FANCI: variants seen among roughly 807,000 people sequenced by gnomAD.
The protein encoded by FANCI is FA complementation group I.
A neutral mutation model predicts 176.1 loss-of-function variants in FANCI; 156 were observed. That is an observed-to-expected ratio of 0.89 (90% CI 0.78 to 1.01). The LOEUF is 1.01. FANCI is among the 50% of genes least tolerant of loss of function. The pLI is 0.00. For synonymous variants in FANCI, 613 were observed against 541.7 expected, an observed-to-expected ratio of 1.13 and a Z score of -1.83; for missense variants, 1,678 against 1,534.1, an observed-to-expected ratio of 1.09 and a Z score of -1.57.
rs3087375 is a variant in FANCI at position 89,316,841 on chromosome 15, C to G, written c.*382C>G. The stretch of plus-strand genomic sequence containing the variant: ...CCAGCGCTTCACCTGAAAGATAGTG[C>G]AAATTGGTTAGGATGCCACCTCAAG... On this transcript the variant is annotated 3_prime_UTR_variant, in exon 38 of 38. Transcript: ENST00000310775. 7.8e-4 allele frequency: 1,257 copies of G among 1,602,266 alleles called. 4 individuals are homozygous for G. In the African/African-American group the frequency reaches 0.015, roughly 19 times the overall value.
intron 2 of FANCI, 84 bp downstream of exon 2, chr15:89,247,815 C>T (rs1021906269): frequency 6.3e-5 from 70 of 1,104,448 alleles, no homozygotes; most frequent in African/African-American, 1.5e-4. Context: ...AGAAAAATTA[C>T]GCTGCTTCTT....
rs1179831028 is a variant in FANCI at position 89,315,937 on chromosome 15, A to G, written c.3925-460A>G. On this transcript the variant is annotated intron_variant, in intron 37 of 37. Coordinates refer to ENST00000310775, the MANE Select transcript of FANCI (RefSeq NM_001113378.2). The stretch of plus-strand genomic sequence containing the variant: ...AAAATTTTCATCTTAGGTTTGTCTA[A>G]TAAGTAGCAAATCAGTAGCCCACTC... Among the ~76,000 whole-genome samples the G allele has an allele frequency of 3.3e-5, 5 of 152,194 alleles. 1 individual carries two copies. In the South Asian group the frequency reaches 6.2e-4, roughly 19 times the overall value.
chr15:89,305,410 G>C lies in FANCI; in HGVS notation c.3255+1G>C, dbSNP rs779079622. The C allele has an allele frequency of 1.2e-6, 2 of 1,613,364 alleles. No individual in the cohort carries two copies. Among genetic ancestry groups the C allele is most frequent in the South Asian group, 2.2e-5 (2 of 91,038 alleles). On this transcript the variant is annotated splice_donor_variant, in intron 30 of 37. Coordinates refer to ENST00000310775, the MANE Select transcript of FANCI (RefSeq NM_001113378.2). LOFTEE classifies it high-confidence loss of function. The stretch of plus-strand genomic sequence containing the variant: ...GAGAACGGCTGCCCCCACTGTCTGT[G>C]TAAGTGTTGTACCTGAGCCATGGGG...
intron 17 of FANCI, 41 bp downstream of exon 17, chr15:89,283,291 T>C: frequency 6.2e-7 from 1 of 1,612,976 alleles, no homozygotes; most frequent in Non-Finnish European, 8.5e-7. Context: ...GTGCGTATCA[T>C]TCATGTGCAT....
intron 1 of FANCI, chr15:89,244,306 C>G (rs1380138576): frequency 6.6e-6 from 1 of 152,504 alleles, no homozygotes; most frequent in African/African-American, 2.4e-5. Flanking sequence ...TGAGAAATTT[C>G]CCTTAACCTT....
chr15:89,293,763 TATC>T, intron 22 of FANCI, 67 bp from the exon 23 acceptor site: 2 of 1,372,736 alleles, frequency 1.5e-6, no homozygotes. Context: ...TTGTGATTAT[TATC>T]ATATGTAAAA....
In FANCI at chr15:89,291,612, G is replaced by C; in HGVS notation, c.1891-1G>C. 1 of 1,612,854 alleles carries C rather than the reference G, an allele frequency of 6.2e-7. No individual in the cohort carries two copies. Among genetic ancestry groups the C allele is most frequent in the South Asian group, 1.1e-5 (1 of 91,066 alleles). ...TGTCTTTTTTTTCTTACTATACACAGTTAAAACAGTTCTATGAGCCAAAAC... is the reference window on the plus strand; with the variant it reads ...TGTCTTTTTTTTCTTACTATACACACTTAAAACAGTTCTATGAGCCAAAAC... On this transcript the variant is annotated splice_acceptor_variant, in intron 19 of 37. Coordinates refer to ENST00000310775, the MANE Select transcript of FANCI (RefSeq NM_001113378.2). LOFTEE classifies it high-confidence loss of function.
At position 89,293,927 on chromosome 15, in the gene FANCI, A is replaced by G. The variant is rs773738513; in HGVS notation, c.2386A>G (p.Met796Val). Reference sequence around the variant, plus strand: ...AAAAGCGGGTAAAGCCAAAACTAAAATGGCCAACAAGACAAGTGATAGTCT... The same window carrying G: ...AAAAGCGGGTAAAGCCAAAACTAAAGTGGCCAACAAGACAAGTGATAGTCT... ...NEKAGKAKTK[M>V]ANKTSDSLLS... Residue 796 changes from methionine to valine, a missense_variant, in exon 23 of 38, where the codon ATG becomes GTG. Physicochemically the swap from Met to Val is conservative, Grantham distance 21. Coordinates refer to ENST00000310775, the MANE Select transcript of FANCI (RefSeq NM_001113378.2). 6.2e-7 allele frequency: 1 copy of G among 1,614,182 alleles called. No individual in the cohort carries two copies. The highest frequency in any genetic ancestry group is 8.5e-7 in the Non-Finnish European group (1 of 1,180,024).
chr15:89,251,884 TAG>T (rs1402854046), intron 2 of FANCI, among the ~76,000 whole-genome samples: 1 of 152,194 alleles, frequency 6.6e-6, no homozygotes, highest in African/African-American at 2.4e-5. Flanking sequence ...TGGGAAACCA[TAG>T]AGACATTTCC....
chr15:89,265,736 G>A (rs952126718), intron 9 of FANCI, among the ~76,000 whole-genome samples: 1 of 151,846 alleles, frequency 6.6e-6, no homozygotes, highest in Admixed American at 6.6e-5. Flanking sequence ...TGTTGGCCAG[G>A]CTGGTCTTGA....
rs543278885 is a variant in FANCI at position 89,300,944 on chromosome 15, A to C, written c.2890-382A>C. Among the ~76,000 whole-genome samples the C allele has an allele frequency of 5.3e-5, 8 of 152,346 alleles. 1 individual carries two copies. In the South Asian group the frequency reaches 1.7e-3, roughly 32 times the overall value. On this transcript the variant is annotated intron_variant, in intron 26 of 37. Coordinates refer to ENST00000310775, the MANE Select transcript of FANCI (RefSeq NM_001113378.2). ...GTAGAAAGACACTGACAAATAATCA[A>C]ATACATAGTTATTTCAGGTAACAGG...
At chr15:89,289,724 T>C (rs963283254) in intron 18 of FANCI, among the ~76,000 whole-genome samples, 42 of 152,092 alleles carry the variant, frequency 2.8e-4, no homozygotes, top group African/African-American at 9.9e-4. Flanking sequence ...CAGGATTTTT[T>C]TTTTTTTTAA....
chr15:89,270,109 C>G (rs931944442), intron 10 of FANCI, among the ~76,000 whole-genome samples: 2 of 152,178 alleles, frequency 1.3e-5, no homozygotes, highest in Non-Finnish European at 2.9e-5. Context: ...CTGCACTGGC[C>G]TTCCTTTGAT....
At chr15:89,278,631 A>G (rs980114598) in intron 13 of FANCI, 56 bp from the exon 14 acceptor site, 9 of 1,321,404 alleles carry the variant, frequency 6.8e-6, no homozygotes, top group East Asian at 2.3e-5. Flanking sequence ...ATGCATTGAT[A>G]TACTTAAAAG....
At chr15:89,264,779 C>G (rs2052868371) in intron 9 of FANCI, 172 bp downstream of exon 9, 3 of 552,218 alleles carry the variant, frequency 5.4e-6, no homozygotes, top group Non-Finnish European at 9.7e-6. Context: ...ATCTCTTCAG[C>G]TCTTTCATTT....
chr15:89,315,035 C>G (rs546884394), intron 36 of FANCI, among the ~76,000 whole-genome samples: 10 of 152,214 alleles, frequency 6.6e-5, no homozygotes, highest in Admixed American at 2.6e-4. Context: ...TCTCAAACTC[C>G]TGGCCTGAAG....
intron 9 of FANCI, among the ~76,000 whole-genome samples, chr15:89,264,817 A>G (rs2052870424): frequency 6.6e-6 from 1 of 152,206 alleles, no homozygotes; most frequent in Non-Finnish European, 1.5e-5. Flanking sequence ...TAATTGTCCT[A>G]TAAGCTGCAA....
In FANCI at chr15:89,312,842, C is replaced by G. The variant is rs570872916; in HGVS notation, c.3652-62C>G. On this transcript the variant is annotated intron_variant, in intron 34 of 37. Transcript: ENST00000310775. ...AAAAAAAAAAAAAAAAAAATTAGCA[C>G]TAGCATGCTAGCTCCACAGAAAAAT... The G allele has an allele frequency of 2.3e-6, 3 of 1,287,142 alleles. No individual in the cohort carries two copies. In the Admixed American group the frequency reaches 5.8e-5, roughly 25 times the overall value. 79.7% of individuals were successfully genotyped at this position (1,287,142 alleles called of 1,614,324 possible).
intron 14 of FANCI, among the ~76,000 whole-genome samples, chr15:89,280,827 G>T (rs2053585946): frequency 6.6e-6 from 1 of 152,044 alleles, no homozygotes; most frequent in African/African-American, 2.4e-5. Context: ...ACCATATTAC[G>T]CTTGTGCATA....
Sources: allele counts gnomAD v4.1 joint callset (sites outside exome capture counted in the v4.1 genomes callset), GRCh38; gene constraint gnomAD v4.1.1; transcripts MANE v1.5; gene names NCBI Gene and HGNC (gene_info 2026-07-23, HGNC 2026-07-21).